KLF17: variants seen among roughly 807,000 people sequenced by gnomAD.
KLF17 encodes the protein Krueppel-like factor 17.
Under a neutral mutation model 34.2 loss-of-function variants are expected in KLF17, and 31 were observed. That is an observed-to-expected ratio of 0.91 (90% CI 0.68 to 1.22). The LOEUF (loss-of-function observed/expected upper bound fraction) is 1.22. Ranked by LOEUF, KLF17 falls within the 50% of genes most tolerant of loss-of-function variation. The pLI is 0.00. For missense variants in KLF17, 478 were observed against 505.2 expected (o/e 0.95, Z 0.52); for synonymous variants, 179 against 186.7 (o/e 0.96, Z 0.34).
At chr1:44,078,332 T>A in the KLF17 span, among the ~76,000 whole-genome samples, 1 of 152,216 alleles carries the variant, frequency 6.6e-6, no homozygotes, top group African/African-American at 2.4e-5. Context: ...TAAACATTTC[T>A]GCTTTGTCAC....
At chr1:44,130,382 T>C in intron 2 of KLF17, 130 bp from the exon 3 acceptor site, 2 of 1,388,236 alleles carry the variant, frequency 1.4e-6, no homozygotes, top group South Asian at 2.6e-5. Flanking sequence ...GCACTCCTGA[T>C]TGTGTTGCCC....
At chr1:44,102,322 C>A in the KLF17 span, among the ~76,000 whole-genome samples, 4 of 152,110 alleles carry the variant, frequency 2.6e-5, no homozygotes, top group South Asian at 8.3e-4. Flanking sequence ...TCACTTAAGG[C>A]GGACAGATCA....
rs1392314118 is a variant in KLF17, at chr1:44,129,745, G to A, written c.474G>A (p.Leu158=). The A allele has an allele frequency of 6.2e-7, 1 of 1,614,108 alleles. No homozygotes were observed. Among genetic ancestry groups the A allele is most frequent in the Admixed American group, 1.7e-5 (1 of 60,008 alleles). The part of the protein sequence containing the change: ...GGNLRMPPNG[L]PVSASTGIPI... ...ATCTAAGGATGCCCCCCAATGGGCT[G>A]CCAGTCTCGGCTTCCACTGGAATCC... is the stretch of plus-strand genomic sequence containing the variant. Residue 158 remains leucine, a synonymous_variant, in exon 2 of 4, where the codon CTG becomes CTA. Coordinates refer to ENST00000372299, the MANE Select transcript of KLF17 (RefSeq NM_173484.4).
chr1:44,045,470 T>A, the KLF17 span, among the ~76,000 whole-genome samples: 1 of 152,232 alleles, frequency 6.6e-6, no homozygotes, highest in Non-Finnish European at 1.5e-5. Flanking sequence ...CCTGGAAATG[T>A]TGGAGTGTTC....
chr1:44,132,357 G>C (rs2088121708), intron 3 of KLF17, among the ~76,000 whole-genome samples: 1 of 151,924 alleles, frequency 6.6e-6, no homozygotes, highest in Non-Finnish European at 1.5e-5. Context: ...GTGAGACTCA[G>C]GCAAATCAAT....
At chr1:44,068,536 C>T in the KLF17 span, among the ~76,000 whole-genome samples, 1 of 152,224 alleles carries the variant, frequency 6.6e-6, no homozygotes, top group African/African-American at 2.4e-5. Flanking sequence ...AGCCTCCTCC[C>T]TTCCCCTGCC....
At chr1:44,092,033 A>T in the KLF17 span, among the ~76,000 whole-genome samples, 4 of 35,554 alleles carry the variant, frequency 1.1e-4, no homozygotes, top group African/African-American at 4.0e-4. Context: ...CTACTGCATT[A>T]AAAAAAAAAA....
At chr1:44,112,443 T>C in the KLF17 span, among the ~76,000 whole-genome samples, 1 of 152,108 alleles carries the variant, frequency 6.6e-6, no homozygotes, top group Admixed American at 6.6e-5. Flanking sequence ...CTCAGTCTTT[T>C]TGTCCAGGCT....
At chr1:44,121,030 C>T (rs1029138678) in intron 1 of KLF17, among the ~76,000 whole-genome samples, 1 of 152,128 alleles carries the variant, frequency 6.6e-6, no homozygotes, top group African/African-American at 2.4e-5. Flanking sequence ...ACAAGATCTT[C>T]CCAACTCTTC....
intron 1 of KLF17, among the ~76,000 whole-genome samples, 179 bp downstream of exon 1, chr1:44,119,167 T>G (rs924641834): frequency 9.0e-5 from 6 of 66,626 alleles, no homozygotes; most frequent in Admixed American, 3.5e-4. Flanking sequence ...AAGGGAGGGA[T>G]GGGAGATTGG....
At chr1:44,132,226 A>G (rs1032845409) in intron 3 of KLF17, among the ~76,000 whole-genome samples, 1 of 152,040 alleles carries the variant, frequency 6.6e-6, no homozygotes, top group Non-Finnish European at 1.5e-5. Flanking sequence ...GAATGGCTTG[A>G]ACCCGGGAGG....
chr1:44,106,277 CTG>C, the KLF17 span, among the ~76,000 whole-genome samples: 1 of 152,172 alleles, frequency 6.6e-6, no homozygotes, highest in African/African-American at 2.4e-5. Context: ...CTCTGTCCCT[CTG>C]TCCATCCTCA....
At chr1:44,087,171 G>A in the KLF17 span, among the ~76,000 whole-genome samples, 1 of 152,182 alleles carries the variant, frequency 6.6e-6, no homozygotes, top group Admixed American at 6.5e-5. Context: ...GGGTGAGGAA[G>A]TGTATTGGTC....
intron 1 of KLF17, chr1:44,122,296 T>C (rs2154311448): frequency 6.2e-7 from 1 of 1,601,830 alleles, no homozygotes; most frequent in Non-Finnish European, 8.6e-7. Context: ...AGAGGTAAAC[T>C]GTCTAGTAGA....
the KLF17 span, among the ~76,000 whole-genome samples, chr1:44,083,432 G>A: frequency 1.3e-5 from 2 of 152,082 alleles, no homozygotes; most frequent in Non-Finnish European, 2.9e-5. Flanking sequence ...TGCTCAGTTG[G>A]CATCCAAGGA....
At position 44,130,215 on chromosome 1, in the gene KLF17, G is replaced by A. The variant is rs369800381; in HGVS notation, c.925+19G>A. On this transcript the variant is annotated intron_variant, in intron 2 of 3. Transcript: ENST00000372299. ...CACACAGGTGAAGGAGGTGTCAGGT[G>A]GGGTGGGGATGGAGGAGTCTCTGGG... 4.4e-6 allele frequency: 7 copies of A among 1,594,384 alleles called. No individual in the cohort carries two copies. Among genetic ancestry groups the A allele is most frequent in the Non-Finnish European group, 6.0e-6 (7 of 1,169,862 alleles).
At chr1:44,119,117 G>A in intron 1 of KLF17, 129 bp downstream of exon 1, 1 of 597,072 alleles carries the variant, frequency 1.7e-6, no homozygotes, top group South Asian at 2.6e-5. Context: ...CGAGGGGAGG[G>A]GTGGCAAAGG....
chr1:44,050,183 ATT>A, the KLF17 span, among the ~76,000 whole-genome samples: 1 of 152,208 alleles, frequency 6.6e-6, no homozygotes, highest in Non-Finnish European at 1.5e-5. Context: ...GATAAAAGTT[ATT>A]TACACCACAG....
the KLF17 span, among the ~76,000 whole-genome samples, chr1:44,084,362 C>T: frequency 2.0e-5 from 3 of 152,006 alleles, no homozygotes; most frequent in African/African-American, 2.4e-5. Flanking sequence ...GTTAAAGTTG[C>T]CTAATCCTGG....
Sources: allele counts gnomAD v4.1 joint callset (sites outside exome capture counted in the v4.1 genomes callset), GRCh38; gene constraint gnomAD v4.1.1; transcripts MANE v1.5; gene names NCBI Gene and HGNC (gene_info 2026-07-23, HGNC 2026-07-21).